Variants in DIAPH2 observed in about 807,000 individuals in gnomAD.
DIAPH2 encodes the protein protein diaphanous homolog 2.
In DIAPH2, 35 loss-of-function variants were observed where a neutral mutation model predicts 92.7. That is an observed-to-expected ratio of 0.38 (90% CI 0.29 to 0.50). The LOEUF is 0.50. DIAPH2 is among the 20% of genes least tolerant of loss of function. The pLI is 0.94. For missense variants in DIAPH2, 701 were observed against 819.5 expected (o/e 0.86, Z 1.77); for synonymous variants, 301 against 280.4 (o/e 1.07, Z -0.73).
At chrX:96,957,677 T>G in intron 15 of DIAPH2, 151 bp from the exon 16 acceptor site, 1 of 482,514 alleles carries the variant, frequency 2.1e-6, no homozygotes, top group Non-Finnish European at 3.4e-6. Flanking sequence ...TAGATCTTGC[T>G]AAATATTTAG....
At chrX:97,092,963 T>G (rs2066836805) in intron 19 of DIAPH2, among the ~76,000 whole-genome samples, 1 of 110,397 alleles carries the variant, frequency 9.1e-6, no homozygotes, top group South Asian at 3.9e-4. Context: ...GGCAGGAGAA[T>G]TGCTTGAGCC....
At chrX:96,923,918 A>T (rs2065562961) in intron 9 of DIAPH2, among the ~76,000 whole-genome samples, 1 of 111,878 alleles carries the variant, frequency 8.9e-6, no homozygotes, top group Non-Finnish European at 1.9e-5. Context: ...TGTGGGAATT[A>T]TATAATTCAT....
chrX:97,552,387 A>C (rs1190803418), intron 26 of DIAPH2, among the ~76,000 whole-genome samples: 1 of 111,769 alleles, frequency 8.9e-6, no homozygotes, highest in Non-Finnish European at 1.9e-5. Flanking sequence ...ATACAGCTTC[A>C]ATTAAGTACT....
intron 24 of DIAPH2, among the ~76,000 whole-genome samples, chrX:97,356,488 C>A (rs1418514131): frequency 9.0e-6 from 1 of 111,524 alleles, no homozygotes; most frequent in Non-Finnish European, 1.9e-5. Context: ...AATAGGCAAT[C>A]CATGGAAAAT....
chrX:97,122,566 T>C (rs978763895), intron 21 of DIAPH2, among the ~76,000 whole-genome samples: 2 of 111,902 alleles, frequency 1.8e-5, no homozygotes, highest in Non-Finnish European at 3.8e-5. Context: ...TTTCAGAATT[T>C]TCATTGACTC....
chrX:96,724,194 G>A (rs1362171700), intron 1 of DIAPH2, among the ~76,000 whole-genome samples: 3 of 110,331 alleles, frequency 2.7e-5, no homozygotes, highest in Non-Finnish European at 5.7e-5. Context: ...CCAAAGTGTC[G>A]GGATTACAGG....
At chrX:96,817,311 G>A (rs1015477013) in intron 4 of DIAPH2, among the ~76,000 whole-genome samples, 1 of 110,825 alleles carries the variant, frequency 9.0e-6, no homozygotes, top group Non-Finnish European at 1.9e-5. Flanking sequence ...TGCACTGCAC[G>A]CCCGTATCAC....
chrX:97,518,941 T>G (rs774445696), intron 26 of DIAPH2, among the ~76,000 whole-genome samples: 73 of 111,871 alleles, frequency 6.5e-4, no homozygotes, highest in Non-Finnish European at 1.0e-3. Flanking sequence ...GGATGGTGAC[T>G]CATATCTCAA....
At chrX:97,438,351 G>GTTTT (rs1569397496) in intron 26 of DIAPH2, among the ~76,000 whole-genome samples, 1 of 51,336 alleles carries the variant, frequency 1.9e-5, no homozygotes. Context: ...TTTTTTTTTT[G>GTTTT]TTTGTTTGTT....
intron 26 of DIAPH2, among the ~76,000 whole-genome samples, chrX:97,455,742 ATATTACCTT>A (rs1193861945): frequency 8.9e-6 from 1 of 112,138 alleles, no homozygotes; most frequent in African/African-American, 3.2e-5. Context: ...AGAATCTTAA[ATATTACCTT>A]TATTGTATAT....
At chrX:97,080,298 C>G (rs1464682280) in intron 19 of DIAPH2, among the ~76,000 whole-genome samples, 2 of 107,901 alleles carry the variant, frequency 1.9e-5, no homozygotes, top group Admixed American at 2.0e-4. Context: ...TTCCTTCCTT[C>G]CTAAGTAAAT....
chrX:97,404,601 C>G (rs1185121797), intron 25 of DIAPH2, among the ~76,000 whole-genome samples: 9 of 112,122 alleles, frequency 8.0e-5, no homozygotes, highest in Non-Finnish European at 1.7e-4. Context: ...CACTGGTCCA[C>G]TGGTTCTAAT....
intron 25 of DIAPH2, among the ~76,000 whole-genome samples, chrX:97,400,458 A>C (rs909030185): frequency 8.9e-6 from 1 of 111,993 alleles, no homozygotes; most frequent in Non-Finnish European, 1.9e-5. Context: ...ATGTTTTGAC[A>C]TATGTATACA....
At chrX:97,178,933 C>T (rs1013787214) in intron 22 of DIAPH2, among the ~76,000 whole-genome samples, 2 of 111,168 alleles carry the variant, frequency 1.8e-5, no homozygotes, top group Non-Finnish European at 3.8e-5. Flanking sequence ...CAATAAGCCA[C>T]CATTTCTTGG....
intron 26 of DIAPH2, chrX:97,528,249 G>T (rs2071036592): frequency 8.9e-6 from 1 of 112,522 alleles, no homozygotes; most frequent in African/African-American, 3.2e-5. Context: ...AAGCTTGCAT[G>T]AGCTGAGGTA....
chrX:97,130,034 T>TTG (rs1796081738), intron 21 of DIAPH2, among the ~76,000 whole-genome samples: 1 of 111,404 alleles, frequency 9.0e-6, no homozygotes, highest in African/African-American at 3.3e-5. Flanking sequence ...CATTAGGAAA[T>TTG]TGCAAATCAA....
In DIAPH2 at chrX:97,599,276, AG is replaced by A. The variant is rs2071576391; in HGVS notation, c.3267del (p.Arg1089SerfsTer16). On this transcript the variant is annotated frameshift_variant, in exon 27 of 27. Coordinates refer to ENST00000324765, the MANE Select transcript of DIAPH2 (RefSeq NM_006729.5). LOFTEE classifies it high-confidence loss of function. ...AGATAACAGACGAGTACCTTTGGAA[AG>A]GTCACGCTCTCGCCACAATGGAGCT... ...NPDNRRVPLE[R>X]SRSRHNGAIS... 1 of 1,194,503 alleles carries A rather than the reference AG, an allele frequency of 8.4e-7. No individual in the cohort carries two copies. Among genetic ancestry groups the A allele is most frequent in the African/African-American group, 1.8e-5 (1 of 56,908 alleles).
intron 1 of DIAPH2, among the ~76,000 whole-genome samples, chrX:96,735,065 TG>T (rs1172060928): frequency 8.9e-6 from 1 of 111,764 alleles, no homozygotes; most frequent in African/African-American, 3.2e-5. Flanking sequence ...TGTAAGGTCT[TG>T]AACTATCCCG....
chrX:96,810,029 A>G (rs2064663867), intron 4 of DIAPH2, among the ~76,000 whole-genome samples: 1 of 112,218 alleles, frequency 8.9e-6, no homozygotes, highest in Non-Finnish European at 1.9e-5. Flanking sequence ...TTGGGTATAT[A>G]CCCAGTAATG....
Sources: gnomAD v4.1 joint callset for allele counts (sites outside exome capture counted in the v4.1 genomes callset) on GRCh38, gnomAD v4.1.1 for gene constraint, MANE v1.5 for transcripts, NCBI Gene and HGNC (gene_info 2026-07-23, HGNC 2026-07-21) for gene names.